Variants in SYTL2 observed in about 807,000 individuals in gnomAD.
The protein encoded by SYTL2 is synaptotagmin like 2, also known as synaptotagmin-like protein 2.
A neutral mutation model predicts 198.7 loss-of-function variants in SYTL2; 165 were observed. That is an observed-to-expected ratio of 0.83 (90% CI 0.73 to 0.94). SYTL2 has a LOEUF of 0.94. SYTL2 is among the 40% of genes least tolerant of loss of function. The probability of loss-of-function intolerance (pLI) is 0.00; values close to 1 mark genes in which losing one functional copy is unlikely to be tolerated. For missense variants in SYTL2, 2,835 were observed against 2,582.8 expected, an observed-to-expected ratio of 1.10 and a Z score of -2.12; for synonymous variants, 966 against 917.7, an observed-to-expected ratio of 1.05 and a Z score of -0.95.
At chr11:85,700,646 G>A in intron 16 of SYTL2, 53 bp from the exon 17 acceptor site, 1 of 1,319,388 alleles carries the variant, frequency 7.6e-7, no homozygotes, top group Non-Finnish European at 1.1e-6. Flanking sequence ...CATCCTGTTT[G>A]TTGGTATAGG....
chr11:85,769,051 A>T (rs901424026), intron 1 of SYTL2, among the ~76,000 whole-genome samples: 5 of 152,224 alleles, frequency 3.3e-5, no homozygotes, highest in Admixed American at 2.6e-4. Flanking sequence ...GAAAAAAAGC[A>T]AAACAATTCA....
rs1175295636 is a variant in SYTL2 at position 85,722,400 on chromosome 11, T to G, written c.5327-1441A>C. On this transcript the variant is annotated intron_variant, in intron 8 of 19. Coordinates refer to ENST00000359152, the MANE Select transcript of SYTL2 (RefSeq NM_206927.4). ...CATGTTAGCCAGGATGGTCTCGATA[T>G]CCTCACCTCATGATCTGCCCGCCTT... 2.6e-5 allele frequency among the ~76,000 whole-genome samples: 4 copies of G among 152,220 alleles called. No individual in the cohort carries two copies. The East Asian group carries it at 5.8e-4, about 22-fold the overall frequency.
Position 85,750,374 on chromosome 11 carries a change from C to T in SYTL2, c.102-1951G>A, listed in dbSNP as rs117273640. On this transcript the variant is annotated intron_variant, in intron 2 of 19. Coordinates refer to ENST00000359152, the MANE Select transcript of SYTL2 (RefSeq NM_206927.4). ...CATGGGATGTCTTTCCCTCACTTCT[C>T]TGTCCAGCCCGTTGCTCCTCATCCT... 9.8e-3 allele frequency among the ~76,000 whole-genome samples: 1,492 copies of T among 152,318 alleles called. 12 individuals are homozygous for T. Among genetic ancestry groups the T allele is most frequent in the Non-Finnish European group, 0.016 (1,064 of 68,020 alleles).
chr11:85,706,828 GTTTT>G (rs1227364774), intron 15 of SYTL2, among the ~76,000 whole-genome samples: 3 of 150,300 alleles, frequency 2.0e-5, no homozygotes, highest in Non-Finnish European at 4.4e-5. Context: ...GGTTTTTTTT[GTTTT>G]TTGTTTTGTT....
intron 1 of SYTL2, among the ~76,000 whole-genome samples, chr11:85,805,685 G>C (rs760327522): frequency 1.3e-5 from 2 of 152,156 alleles, no homozygotes; most frequent in East Asian, 1.9e-4. Context: ...ATTCTGTCAA[G>C]ACTTACAGTA....
chr11:85,797,907 G>A (rs1464519866), intron 1 of SYTL2, among the ~76,000 whole-genome samples: 2 of 152,028 alleles, frequency 1.3e-5, no homozygotes, highest in Non-Finnish European at 2.9e-5. Flanking sequence ...AGGCTGGAGT[G>A]CAGTGGTGCA....
chr11:85,727,756 G>A lies in SYTL2; in HGVS notation c.1602C>T (p.Asp534=), dbSNP rs1165521392. ...GGGGATGTTGGAGGAATGACTTATT[G>A]TCATCTGAATAAGAACTTCGGTTAA... ...DWFNRSSYSD[D]NKSFLQHPRG... The change falls in exon 8 of 20, where the codon GAC becomes GAT. Residue 534 remains aspartate, a synonymous_variant. Coordinates refer to ENST00000359152, the MANE Select transcript of SYTL2 (RefSeq NM_206927.4). 6.4e-7 allele frequency: 1 copy of A among 1,560,942 alleles called. No individual in the cohort carries two copies. Among genetic ancestry groups the A allele is most frequent in the Admixed American group, 1.9e-5 (1 of 51,812 alleles).
rs2088820135 is a variant in SYTL2, at chr11:85,724,367, G to A, written c.4991C>T (p.Thr1664Ile). The A allele has an allele frequency of 1.9e-6, 3 of 1,592,434 alleles. No homozygotes were observed. The highest frequency in any genetic ancestry group is 2.6e-6 in the Non-Finnish European group (3 of 1,170,914). ...TTCATGAGCCACATAAAGTTGTGGG[G>A]TTCTAGGGATCTCAACTCCACTTCT... ...GSRSGVEIPRTPQLYVAHEIG... is the reference protein window; with the variant it reads ...GSRSGVEIPRIPQLYVAHEIG... Residue 1664 changes from threonine to isoleucine, a missense_variant, in exon 8 of 20, where the codon ACC becomes ATC. By Grantham distance (89) the Thr-to-Ile change is moderately conservative. Coordinates refer to ENST00000359152, the MANE Select transcript of SYTL2 (RefSeq NM_206927.4).
chr11:85,721,699 T>A (rs902589593), intron 8 of SYTL2, among the ~76,000 whole-genome samples: 5 of 152,158 alleles, frequency 3.3e-5, no homozygotes, highest in Non-Finnish European at 7.4e-5. Flanking sequence ...GTGATTCGAT[T>A]AAGGAATCAA....
intron 1 of SYTL2, among the ~76,000 whole-genome samples, chr11:85,787,701 C>CTTTTTTTTTT (rs56177666): frequency 8.9e-4 from 80 of 90,352 alleles, no homozygotes; most frequent in Non-Finnish European, 1.1e-3. Flanking sequence ...TTTTCTTTTC[C>CTTTTTTTTTT]TTTTTTTTTT....
At chr11:85,763,234 C>A (rs1195776028) in intron 1 of SYTL2, among the ~76,000 whole-genome samples, 5 of 152,160 alleles carry the variant, frequency 3.3e-5, no homozygotes, top group Admixed American at 3.3e-4. Flanking sequence ...GGATAAGGAG[C>A]AGCGGTAGAA....
the SYTL2 span, among the ~76,000 whole-genome samples, chr11:85,821,469 G>A: frequency 6.4e-4 from 98 of 152,298 alleles, no homozygotes; most frequent in African/African-American, 2.1e-3. Flanking sequence ...GAAGCAAGCC[G>A]TGATTGAGAG....
At chr11:85,776,340 G>C (rs2092450775) in intron 1 of SYTL2, among the ~76,000 whole-genome samples, 1 of 152,164 alleles carries the variant, frequency 6.6e-6, no homozygotes, top group Admixed American at 6.5e-5. Context: ...GCCATGGTTT[G>C]CTGCACCCAT....
In SYTL2 at chr11:85,725,174, T is replaced by G; in HGVS notation, c.4184A>C (p.Glu1395Ala). The change falls in exon 8 of 20, where the codon GAA becomes GCA. Residue 1395 changes from glutamate to alanine, a missense_variant. Physicochemically the swap from Glu to Ala is moderately radical, Grantham distance 107. Coordinates refer to ENST00000359152, the MANE Select transcript of SYTL2 (RefSeq NM_206927.4). ...YPAGREVGPG[E>A]VNPEFPEAVQ... ...TGCTTCAGGAAATTCTGGGTTCACTTCTCCAGGACCTACTTCCCTTCCAGC... is the reference window on the plus strand; with the variant it reads ...TGCTTCAGGAAATTCTGGGTTCACTGCTCCAGGACCTACTTCCCTTCCAGC... 1 of 1,614,142 alleles carries G rather than the reference T, an allele frequency of 6.2e-7. No individual in the cohort carries two copies.
At chr11:85,744,611 G>T (rs2091022621) in intron 4 of SYTL2, among the ~76,000 whole-genome samples, 1 of 152,062 alleles carries the variant, frequency 6.6e-6, no homozygotes, top group Non-Finnish European at 1.5e-5. Context: ...ATACCTATTG[G>T]TACTTATATC....
intron 18 of SYTL2, chr11:85,696,591 C>T (rs986954600): frequency 6.9e-6 from 4 of 576,874 alleles, no homozygotes; most frequent in South Asian, 4.2e-5. Context: ...GTCAGCTATA[C>T]TTGGTTTGAA....
Position 85,727,591 on chromosome 11 carries a change from G to C in SYTL2, c.1767C>G (p.Asp589Glu). Residue 589 changes from aspartate (D) to glutamate (E), a missense_variant, in exon 8 of 20, where the codon GAC (aspartate) becomes GAG (glutamate). By Grantham distance (45) the Asp-to-Glu change is conservative. Coordinates refer to ENST00000359152, the MANE Select transcript of SYTL2 (RefSeq NM_206927.4). ...SKIELKPVRS[D>E]SPFQAEGDML... is the part of the protein sequence containing the mutation. ...TATCTCCCTCTGCTTGGAATGGTGA[G>C]TCAGATCTCACAGGCTTCAATTCAA... The C allele has an allele frequency of 1.3e-6, 2 of 1,536,058 alleles. No individual in the cohort carries two copies. Among genetic ancestry groups the C allele is most frequent in the Non-Finnish European group, 1.7e-6 (2 of 1,146,882 alleles).
intron 5 of SYTL2, among the ~76,000 whole-genome samples, chr11:85,737,044 T>C (rs571717920): frequency 2.6e-4 from 39 of 152,352 alleles, no homozygotes; most frequent in African/African-American, 9.4e-4. Context: ...TGACCTTTCC[T>C]AAAGATTTTG....
chr11:85,739,064 T>C (rs990087848), intron 4 of SYTL2, among the ~76,000 whole-genome samples: 3 of 152,158 alleles, frequency 2.0e-5, no homozygotes, highest in Non-Finnish European at 4.4e-5. Context: ...CTATGCAACC[T>C]CCTCTGTGTA....
Sources: allele counts gnomAD v4.1 joint callset (sites outside exome capture counted in the v4.1 genomes callset), GRCh38; gene constraint gnomAD v4.1.1; transcripts MANE v1.5; gene names NCBI Gene and HGNC (gene_info 2026-07-23, HGNC 2026-07-21).